Variants in ZBTB16 observed in about 807,000 individuals in gnomAD.
ZBTB16 encodes zinc finger and BTB domain-containing protein 16.
In ZBTB16, 8 loss-of-function variants were observed where a neutral mutation model predicts 56.8. That is an observed-to-expected ratio of 0.14 (90% confidence interval 0.08 to 0.25). The LOEUF (loss-of-function observed/expected upper bound fraction) is 0.25, where lower values mean the gene tolerates loss of function less well. Ranked by LOEUF, ZBTB16 falls within the 10% of genes least tolerant of loss-of-function variation. The pLI is 1.00. For missense variants in ZBTB16, 625 were observed against 903.0 expected, an observed-to-expected ratio of 0.69 and a Z score of 3.95; for synonymous variants, 363 against 368.5, an observed-to-expected ratio of 0.98 and a Z score of 0.17.
chr11:114,100,139 T>G (rs1438521664), intron 2 of ZBTB16, among the ~76,000 whole-genome samples: 2 of 152,204 alleles, frequency 1.3e-5, no homozygotes, highest in Non-Finnish European at 2.9e-5. Context: ...TGAGATCTGA[T>G]TTTTTGTTTG....
At chr11:114,204,266 G>T (rs1943802184) in intron 4 of ZBTB16, among the ~76,000 whole-genome samples, 1 of 150,762 alleles carries the variant, frequency 6.6e-6, no homozygotes, top group African/African-American at 2.4e-5. Context: ...CGATTCTCCT[G>T]CCTCAGCCTT....
chr11:114,080,326 T>G (rs1048158766), intron 2 of ZBTB16, among the ~76,000 whole-genome samples: 1 of 152,094 alleles, frequency 6.6e-6, no homozygotes, highest in Non-Finnish European at 1.5e-5. Context: ...GAACCAACAC[T>G]CGCCCATCCA....
chr11:114,148,410 TCC>T (rs1942178904), intron 2 of ZBTB16, among the ~76,000 whole-genome samples: 1 of 25,588 alleles, frequency 3.9e-5, no homozygotes, highest in African/African-American at 1.9e-4. Context: ...CCTCCCTCCC[TCC>T]CTCCCTCCCT....
At chr11:114,101,856 T>G (rs907670353) in intron 2 of ZBTB16, among the ~76,000 whole-genome samples, 2 of 152,238 alleles carry the variant, frequency 1.3e-5, no homozygotes, top group Non-Finnish European at 2.9e-5. Context: ...ATTCATATAT[T>G]TGTTGCTCAT....
chr11:114,232,462 C>G (rs1314330289), intron 4 of ZBTB16, among the ~76,000 whole-genome samples: 1 of 152,172 alleles, frequency 6.6e-6, no homozygotes, highest in Non-Finnish European at 1.5e-5. Context: ...ACGGGGCCCT[C>G]AAGTCGGCAC....
At chr11:114,182,474 C>A (rs1256905666) in intron 3 of ZBTB16, among the ~76,000 whole-genome samples, 1 of 152,140 alleles carries the variant, frequency 6.6e-6, no homozygotes. Flanking sequence ...GGGATTTCGT[C>A]TCTTTTGTTT....
intron 5 of ZBTB16, 118 bp downstream of exon 5, chr11:114,242,455 G>A: frequency 1.4e-6 from 2 of 1,429,992 alleles, no homozygotes; most frequent in Non-Finnish European, 1.9e-6. Flanking sequence ...TTCTGCTCAA[G>A]GCTTGGACGT....
At chr11:114,094,232 G>A (rs58992352) in intron 2 of ZBTB16, among the ~76,000 whole-genome samples, 9,444 of 96,250 alleles carry the variant, frequency 0.098, 451 homozygotes, top group East Asian at 0.37. Context: ...GGAGGATGGC[G>A]TGAACCCGGG....
chr11:114,127,319 G>C, intron 2 of ZBTB16, among the ~76,000 whole-genome samples: 1 of 152,122 alleles, frequency 6.6e-6, no homozygotes, highest in Non-Finnish European at 1.5e-5. Flanking sequence ...ACGTGCATTG[G>C]ACTCCCATGG....
intron 2 of ZBTB16, among the ~76,000 whole-genome samples, chr11:114,069,789 T>G (rs1939261295): frequency 6.6e-6 from 1 of 152,226 alleles, no homozygotes; most frequent in Admixed American, 6.5e-5. Flanking sequence ...GGTTGCAGCA[T>G]TTTCTTCTTT....
intron 2 of ZBTB16, among the ~76,000 whole-genome samples, chr11:114,132,520 G>A (rs1941692374): frequency 6.6e-6 from 1 of 152,172 alleles, no homozygotes; most frequent in Non-Finnish European, 1.5e-5. Context: ...CCCTCTAGCT[G>A]TGTGACCTTA....
chr11:114,182,996 C>T (rs367737429), intron 3 of ZBTB16, among the ~76,000 whole-genome samples: 44 of 152,296 alleles, frequency 2.9e-4, no homozygotes, highest in Non-Finnish European at 4.4e-5. Flanking sequence ...TTACAGAGAC[C>T]ATTTAAAGGC....
chr11:114,161,211 G>T (rs1942580948), intron 3 of ZBTB16, among the ~76,000 whole-genome samples: 2 of 152,176 alleles, frequency 1.3e-5, no homozygotes, highest in African/African-American at 4.8e-5. Flanking sequence ...ATTTCCCACA[G>T]CTTGGCTTAA....
At chr11:114,247,430 G>T in intron 6 of ZBTB16, 65 bp downstream of exon 6, 1 of 1,605,568 alleles carries the variant, frequency 6.2e-7, no homozygotes, top group South Asian at 1.1e-5. Flanking sequence ...GAAGCAGATA[G>T]TCTCCTAGAG....
At chr11:114,236,527 C>G (rs984699371) in intron 4 of ZBTB16, among the ~76,000 whole-genome samples, 1 of 152,136 alleles carries the variant, frequency 6.6e-6, no homozygotes, top group African/African-American at 2.4e-5. Context: ...CAGACAGACA[C>G]GGGGGGCCTC....
chr11:114,135,592 C>CT (rs2134875306), intron 2 of ZBTB16, among the ~76,000 whole-genome samples: 2 of 152,260 alleles, frequency 1.3e-5, no homozygotes, highest in Non-Finnish European at 2.9e-5. Context: ...GGGACAGTCT[C>CT]TCCTTGACCC....
At chr11:114,211,240 C>T (rs2135130035) in intron 4 of ZBTB16, among the ~76,000 whole-genome samples, 1 of 152,276 alleles carries the variant, frequency 6.6e-6, no homozygotes, top group Admixed American at 6.5e-5. Flanking sequence ...AGATTGATTT[C>T]TACCTTCTTC....
intron 4 of ZBTB16, among the ~76,000 whole-genome samples, chr11:114,210,202 C>CGCGCGT (rs1289305960): frequency 6.8e-6 from 1 of 147,924 alleles, no homozygotes; most frequent in East Asian, 1.9e-4. Flanking sequence ...TGCGTGCGCG[C>CGCGCGT]GCGTGCACAG....
intron 4 of ZBTB16, among the ~76,000 whole-genome samples, chr11:114,214,985 CT>C (rs34263122): frequency 0.44 from 63,430 of 143,768 alleles, 14,194 homozygotes; most frequent in Middle Eastern, 0.61. Context: ...AGGAGCTTAT[CT>C]TTTTTTTTTT....
Sources: allele counts gnomAD v4.1 joint callset (sites outside exome capture counted in the v4.1 genomes callset), GRCh38; gene constraint gnomAD v4.1.1; transcripts MANE v1.5; gene names NCBI Gene and HGNC (gene_info 2026-07-23, HGNC 2026-07-21).